The following SDK1 variants were observed in gnomAD, a reference collection of about 807,000 sequenced individuals.
SDK1 encodes the protein sidekick cell adhesion molecule 1, also known as protein sidekick-1.
A neutral mutation model predicts 245.5 loss-of-function variants in SDK1; 157 were observed. That is an observed-to-expected ratio of 0.64 (90% confidence interval 0.56 to 0.73). The LOEUF is 0.73. SDK1 is among the 30% of genes least tolerant of loss of function. The pLI is 0.00. For synonymous variants in SDK1, 1,647 were observed against 1,278.5 expected, an observed-to-expected ratio of 1.29 and a Z score of -6.15; for missense variants, 3,583 against 3,002.3, an observed-to-expected ratio of 1.19 and a Z score of -4.52.
intron 25 of SDK1, among the ~76,000 whole-genome samples, chr7:4,120,673 G>T (rs1265310406): frequency 8.1e-6 from 1 of 123,956 alleles, no homozygotes. Context: ...CTGGAGTGCA[G>T]TGGCATGATC....
chr7:4,145,581 T>A (rs937306345), intron 28 of SDK1, 141 bp from the exon 29 acceptor site: 5 of 695,212 alleles, frequency 7.2e-6, no homozygotes, highest in Non-Finnish European at 1.2e-5. Flanking sequence ...GAGACCACCC[T>A]TTCAGTGCAC....
chr7:3,500,361 T>A (rs1272525002), intron 1 of SDK1, among the ~76,000 whole-genome samples: 2 of 152,140 alleles, frequency 1.3e-5, no homozygotes, highest in Non-Finnish European at 2.9e-5. Context: ...TTCTTTGAGA[T>A]CTTGTAAATT....
At chr7:4,010,918 A>G in intron 14 of SDK1, 48 bp from the exon 15 acceptor site, 1 of 1,598,152 alleles carries the variant, frequency 6.3e-7, no homozygotes, top group Non-Finnish European at 8.6e-7. Context: ...CTTATTATTC[A>G]GACATGATAA....
intron 22 of SDK1, among the ~76,000 whole-genome samples, chr7:4,091,813 C>T (rs1781821382): frequency 6.6e-6 from 1 of 152,170 alleles, no homozygotes; most frequent in African/African-American, 2.4e-5. Context: ...CTTTACAGCT[C>T]CGTCCAGGGA....
intron 1 of SDK1, among the ~76,000 whole-genome samples, chr7:3,558,241 C>T (rs549799524): frequency 1.3e-5 from 2 of 152,248 alleles, no homozygotes; most frequent in South Asian, 4.2e-4. Context: ...CTGGAGTAGG[C>T]CATAGGATCA....
At chr7:3,479,283 C>T (rs184813295) in intron 1 of SDK1, among the ~76,000 whole-genome samples, 1 of 151,178 alleles carries the variant, frequency 6.6e-6, no homozygotes, top group African/African-American at 2.4e-5. Flanking sequence ...TTAGCCAGGC[C>T]TGGTGGTGTG....
rs116288081 is a variant in SDK1, at chr7:3,836,899, G to C, written c.847+15316G>C. ...TGCCAGCCAGGTTGGTGTCTCGTTGGGGCCTCCCTTCCTGGCTCTTAGAGA... is the reference window on the plus strand; with the variant it reads ...TGCCAGCCAGGTTGGTGTCTCGTTGCGGCCTCCCTTCCTGGCTCTTAGAGA... On this transcript the variant is annotated intron_variant, in intron 5 of 44. Coordinates refer to ENST00000404826, the MANE Select transcript of SDK1 (RefSeq NM_152744.4). Among the ~76,000 whole-genome samples, 724 of 152,120 alleles carry C rather than the reference G, an allele frequency of 4.8e-3. 7 individuals carry two copies. The highest frequency in any genetic ancestry group is 0.016 in the African/African-American group (682 of 41,494).
rs1204973419 is a variant in SDK1, at chr7:3,641,971, C to T, written c.579C>T (p.Phe193=). Residue 193 remains phenylalanine (F), a synonymous_variant, in exon 4 of 45, where the codon TTC becomes TTT. Transcript: ENST00000404826. ...TTTTCTCTGCAGATATGGGAAGTTT[C>T]ATGGATACGGACCAGAGGAAAACAG... ...SEVQVAYMGS[F]MDTDQRKTVS... is the part of the protein sequence containing the mutation. 6.2e-7 allele frequency: 1 copy of T among 1,612,824 alleles called. No homozygotes were observed. Among genetic ancestry groups the T allele is most frequent in the Non-Finnish European group, 8.5e-7 (1 of 1,179,550 alleles).
chr7:3,696,676 C>A (rs977520249), intron 4 of SDK1, among the ~76,000 whole-genome samples: 1 of 151,536 alleles, frequency 6.6e-6, no homozygotes, highest in Non-Finnish European at 1.5e-5. Context: ...AATTTCTAAT[C>A]CTTTGGTGCC....
At chr7:3,623,394 C>T (rs1782006271) in intron 2 of SDK1, among the ~76,000 whole-genome samples, 3 of 152,028 alleles carry the variant, frequency 2.0e-5, no homozygotes, top group African/African-American at 7.2e-5. Context: ...GCATGTGTCA[C>T]CACGCCTGGC....
chr7:3,525,879 C>G lies in SDK1; in HGVS notation c.299-93201C>G, dbSNP rs148108504. On this transcript the variant is annotated intron_variant, in intron 1 of 44. Coordinates refer to ENST00000404826, the MANE Select transcript of SDK1 (RefSeq NM_152744.4). ...TTACTTAAATATCATTCACATTTTA[C>G]CAAGCACTTAAAATTTGGATAGGAA... Among the ~76,000 whole-genome samples the G allele has an allele frequency of 2.6e-3, 403 of 152,102 alleles. 2 individuals are homozygous for G. The highest frequency in any genetic ancestry group is 9.2e-3 in the African/African-American group (383 of 41,462).
intron 4 of SDK1, among the ~76,000 whole-genome samples, chr7:3,775,723 C>T (rs992327248): frequency 6.6e-6 from 1 of 151,794 alleles, no homozygotes; most frequent in African/African-American, 2.4e-5. Context: ...ACTACAGGCG[C>T]CCGCCACCGC....
intron 17 of SDK1, among the ~76,000 whole-genome samples, chr7:4,021,877 T>TG (rs1786924458): frequency 1.3e-5 from 2 of 152,182 alleles, no homozygotes; most frequent in Non-Finnish European, 2.9e-5. Context: ...AATCTGACAA[T>TG]GGGCTCCTGG....
chr7:3,902,590 T>C lies in SDK1; in HGVS notation c.848-48333T>C, dbSNP rs1328345579. ...CTATTTGATGTATAGCTAGGTTTACTGGTTTCTTTGTAGGAAAACTTTCCT... is the reference window on the plus strand; with the variant it reads ...CTATTTGATGTATAGCTAGGTTTACCGGTTTCTTTGTAGGAAAACTTTCCT... On this transcript the variant is annotated intron_variant, in intron 5 of 44. Transcript: ENST00000404826. Among the ~76,000 whole-genome samples the C allele has an allele frequency of 2.0e-5, 3 of 152,328 alleles. No homozygotes were observed. In the East Asian group the frequency reaches 5.8e-4, roughly 29 times the overall value.
At chr7:3,900,270 C>T (rs561860279) in intron 5 of SDK1, among the ~76,000 whole-genome samples, 2 of 152,020 alleles carry the variant, frequency 1.3e-5, no homozygotes, top group African/African-American at 4.8e-5. Flanking sequence ...AAAGTGGTTC[C>T]CCTCAAATAT....
At chr7:3,750,155 CT>C (rs1779734542) in intron 4 of SDK1, among the ~76,000 whole-genome samples, 1 of 152,214 alleles carries the variant, frequency 6.6e-6, no homozygotes, top group African/African-American at 2.4e-5. Context: ...TTAAAAATCA[CT>C]TCTTCGTATT....
chr7:3,875,732 CT>C (rs1781060206), intron 5 of SDK1, among the ~76,000 whole-genome samples: 1 of 152,306 alleles, frequency 6.6e-6, no homozygotes, highest in Admixed American at 6.5e-5. Context: ...TTGACCAGTA[CT>C]TTCTGGAACT....
intron 14 of SDK1, among the ~76,000 whole-genome samples, chr7:4,010,324 G>A (rs1184896147): frequency 2.6e-5 from 4 of 151,994 alleles, no homozygotes; most frequent in South Asian, 2.1e-4. Context: ...CAGAACCTTC[G>A]GAAGCCTTGC....
chr7:4,191,300 C>T (rs1283523347), intron 35 of SDK1, among the ~76,000 whole-genome samples: 1 of 152,066 alleles, frequency 6.6e-6, no homozygotes, highest in Non-Finnish European at 1.5e-5. Context: ...GGTTCCCTTT[C>T]GTGCTCAGGC....
Sources: allele counts gnomAD v4.1 joint callset (sites outside exome capture counted in the v4.1 genomes callset), GRCh38; gene constraint gnomAD v4.1.1; transcripts MANE v1.5; gene names NCBI Gene and HGNC (gene_info 2026-07-23, HGNC 2026-07-21).